The following ENTREP1 variants were observed in gnomAD, a reference collection of about 807,000 sequenced individuals.
The protein encoded by ENTREP1 is endosomal transmembrane epsin interactor 1.
the ENTREP1 span, among the ~76,000 whole-genome samples, chr9:69,349,171 C>G: frequency 2.4e-5 from 2 of 83,030 alleles, no homozygotes; most frequent in African/African-American, 9.8e-5. Flanking sequence ...GCGACAAAAG[C>G]GAAACTCCAT....
At chr9:69,391,527 C>T in the ENTREP1 span, 3 of 1,251,442 alleles carry the variant, frequency 2.4e-6, no homozygotes, top group African/African-American at 1.5e-5. Context: ...GGTGGATGGA[C>T]CTAGGAGGTA....
chr9:69,382,143 G>A, the ENTREP1 span: 1 of 152,286 alleles, frequency 6.6e-6, no homozygotes, highest in African/African-American at 2.4e-5. Flanking sequence ...CATTAAAGAT[G>A]GAAGGCTGGC....
At chr9:69,347,510 G>A in the ENTREP1 span, among the ~76,000 whole-genome samples, 2 of 152,210 alleles carry the variant, frequency 1.3e-5, no homozygotes, top group African/African-American at 2.4e-5. Flanking sequence ...GCCTTCCCAC[G>A]GCAGGCTTGC....
At chr9:69,340,034 C>T in the ENTREP1 span, among the ~76,000 whole-genome samples, 1 of 152,128 alleles carries the variant, frequency 6.6e-6, no homozygotes, top group African/African-American at 2.4e-5. Context: ...GTGCTCAATA[C>T]ACATTAGTTG....
chr9:69,388,519 C>T, the ENTREP1 span: 103 of 1,233,276 alleles, frequency 8.4e-5, no homozygotes, highest in Non-Finnish European at 9.6e-5. Context: ...GTGGCTTCTC[C>T]GCTTTCTTGT....
At chr9:69,373,793 C>T in the ENTREP1 span, among the ~76,000 whole-genome samples, 1 of 152,128 alleles carries the variant, frequency 6.6e-6, no homozygotes, top group Non-Finnish European at 1.5e-5. Context: ...TTTTATTGTT[C>T]TATCCATCGC....
chr9:69,360,354 C>T, the ENTREP1 span, among the ~76,000 whole-genome samples: 7 of 152,178 alleles, frequency 4.6e-5, no homozygotes, highest in African/African-American at 1.4e-4. Context: ...TGTTACATTT[C>T]GCCCCTCTGC....
chr9:69,349,080 A>G, the ENTREP1 span, among the ~76,000 whole-genome samples: 1 of 151,468 alleles, frequency 6.6e-6, no homozygotes, highest in Non-Finnish European at 1.5e-5. Flanking sequence ...GCCACTCAGA[A>G]GGCTGAGGCA....
chr9:69,358,876 C>CT, the ENTREP1 span, among the ~76,000 whole-genome samples: 7 of 145,536 alleles, frequency 4.8e-5, no homozygotes, highest in South Asian at 2.2e-4. Flanking sequence ...TTAATAAAGC[C>CT]TTTTTTTTTC....
chr9:69,357,441 A>T, the ENTREP1 span, among the ~76,000 whole-genome samples: 1 of 152,204 alleles, frequency 6.6e-6, no homozygotes, highest in African/African-American at 2.4e-5. Flanking sequence ...CTTCCATAAT[A>T]TGAGTAAACC....
chr9:69,374,396 G>A, the ENTREP1 span, among the ~76,000 whole-genome samples: 2 of 152,138 alleles, frequency 1.3e-5, no homozygotes, highest in Admixed American at 1.3e-4. Flanking sequence ...GGATGATGCG[G>A]TGCTAAAGAG....
chr9:69,352,737 A>G, the ENTREP1 span, among the ~76,000 whole-genome samples: 2 of 152,276 alleles, frequency 1.3e-5, no homozygotes, highest in East Asian at 3.9e-4. Flanking sequence ...AGGGCCAGCT[A>G]GCTGTCTGAG....
chr9:69,364,918 CT>C, the ENTREP1 span, among the ~76,000 whole-genome samples: 1 of 152,144 alleles, frequency 6.6e-6, no homozygotes, highest in African/African-American at 2.4e-5. Flanking sequence ...TTGACTTGTA[CT>C]TGGCAGCCCC....
the ENTREP1 span, chr9:69,329,343 T>C: frequency 1.0e-6 from 1 of 962,852 alleles, no homozygotes; most frequent in Non-Finnish European, 1.2e-6. Context: ...GAAATGACTA[T>C]TTGTTGAACA....
At chr9:69,377,516 G>C in the ENTREP1 span, 1 of 1,608,556 alleles carries the variant, frequency 6.2e-7, no homozygotes, top group Non-Finnish European at 8.5e-7. Context: ...CGTTTCCGCT[G>C]AGCCAGCCCA....
the ENTREP1 span, among the ~76,000 whole-genome samples, chr9:69,369,402 C>T: frequency 6.6e-6 from 1 of 152,260 alleles, no homozygotes; most frequent in East Asian, 1.9e-4. Context: ...CTTGAGGAAT[C>T]ACCACACTGT....
At chr9:69,342,135 G>C in the ENTREP1 span, among the ~76,000 whole-genome samples, 1 of 151,106 alleles carries the variant, frequency 6.6e-6, no homozygotes, top group Non-Finnish European at 1.5e-5. Context: ...CAAAATGGAA[G>C]ACTTTTCTTA....
chr9:69,363,105 A>T, the ENTREP1 span, among the ~76,000 whole-genome samples: 1 of 152,180 alleles, frequency 6.6e-6, no homozygotes, highest in Non-Finnish European at 1.5e-5. Context: ...GTATCCTTGA[A>T]TAGTTGGATT....
the ENTREP1 span, among the ~76,000 whole-genome samples, chr9:69,358,186 A>G: frequency 6.6e-6 from 1 of 152,188 alleles, no homozygotes; most frequent in Non-Finnish European, 1.5e-5. Flanking sequence ...TTCCTTTGAC[A>G]TAATGGAATT....
Sources: gnomAD v4.1 joint callset for allele counts (sites outside exome capture counted in the v4.1 genomes callset) on GRCh38, gnomAD v4.1.1 for gene constraint, MANE v1.5 for transcripts, NCBI Gene and HGNC (gene_info 2026-07-23, HGNC 2026-07-21) for gene names.